The following KCNT1 variants were observed in gnomAD, a reference collection of about 807,000 sequenced individuals.
KCNT1 encodes potassium channel subfamily T member 1.
A neutral mutation model predicts 147.8 loss-of-function variants in KCNT1; 78 were observed. That is an observed-to-expected ratio of 0.53 (90% CI 0.44 to 0.64). The LOEUF (loss-of-function observed/expected upper bound fraction) is 0.64, where lower values mean the gene tolerates loss of function less well. KCNT1 is among the 30% of genes least tolerant of loss of function. The probability of loss-of-function intolerance (pLI) is 0.00; values close to 1 mark genes in which losing one functional copy is unlikely to be tolerated. For missense variants in KCNT1, 1,419 were observed against 1,750.3 expected, an observed-to-expected ratio of 0.81 and a Z score of 3.38; for synonymous variants, 867 against 748.8, an observed-to-expected ratio of 1.16 and a Z score of -2.58.
At chr9:135,742,742 A>G (rs1334966292) in intron 2 of KCNT1, 4 of 717,160 alleles carry the variant, frequency 5.6e-6, no homozygotes, top group Admixed American at 4.0e-5. Context: ...TGTCTCCCGC[A>G]TTCTGGTTGA....
chr9:135,778,100 GC>G (rs1005253778), intron 21 of KCNT1, among the ~76,000 whole-genome samples: 8 of 152,122 alleles, frequency 5.3e-5, no homozygotes, highest in African/African-American at 1.9e-4. Flanking sequence ...CTCACTCTGA[GC>G]CCCAGGATTG....
At chr9:135,718,019 C>T (rs576246389) in intron 2 of KCNT1, among the ~76,000 whole-genome samples, 64 of 152,318 alleles carry the variant, frequency 4.2e-4, no homozygotes, top group Non-Finnish European at 8.2e-4. Flanking sequence ...AGGACACGCA[C>T]GTGGGGACCC....
intron 2 of KCNT1, among the ~76,000 whole-genome samples, chr9:135,732,036 A>AGAGAGAGAGAGAGAGAGAGAGAGG (rs1471974281): frequency 1.5e-5 from 2 of 137,262 alleles, no homozygotes; most frequent in African/African-American, 2.7e-5. Flanking sequence ...AGAGAGAGAG[A>AGAGAGAGAGAGAGAGAGAGAGAGG]GAGAGGGAGT....
intron 4 of KCNT1, among the ~76,000 whole-genome samples, chr9:135,751,501 T>C (rs1413234092): frequency 6.6e-6 from 1 of 152,116 alleles, no homozygotes; most frequent in African/African-American, 2.4e-5. Context: ...CTGGGGCCCA[T>C]GCTCCAGGGA....
intron 2 of KCNT1, among the ~76,000 whole-genome samples, chr9:135,718,953 A>T (rs1259044207): frequency 6.6e-6 from 1 of 152,184 alleles, no homozygotes; most frequent in African/African-American, 2.4e-5. Flanking sequence ...CGGTGGAGGA[A>T]GTGGACAGAG....
intron 11 of KCNT1, among the ~76,000 whole-genome samples, chr9:135,763,756 CAG>C (rs1832068822): frequency 6.6e-6 from 1 of 152,188 alleles, no homozygotes; most frequent in Non-Finnish European, 1.5e-5. Context: ...TATTTCCAAT[CAG>C]ATCACATGGC....
intron 1 of KCNT1, among the ~76,000 whole-genome samples, chr9:135,712,006 GC>G (rs1835515452): frequency 6.6e-6 from 1 of 152,188 alleles, no homozygotes; most frequent in Admixed American, 6.5e-5. Flanking sequence ...GAAGTGACTC[GC>G]CGGGGGCCGC....
rs992509278 is a variant in KCNT1 at position 135,778,418 on chromosome 9, C to G, written c.2523-6C>G. On this transcript the variant is annotated splice_region_variant and splice_polypyrimidine_tract_variant and intron_variant, in intron 21 of 30. Transcript: ENST00000371757. ...GTGGGCCCCTCCAGGACCGCTGTCC[C>G]CACAGGCCCGACCACCACTTCCTGG... 1 of 1,550,744 alleles carries G rather than the reference C, an allele frequency of 6.4e-7. No homozygotes were observed. The highest frequency in any genetic ancestry group is 8.7e-7 in the Non-Finnish European group (1 of 1,146,972).
intron 9 of KCNT1, among the ~76,000 whole-genome samples, 198 bp downstream of exon 9, chr9:135,757,579 A>G (rs1465849981): frequency 6.6e-6 from 1 of 152,178 alleles, no homozygotes; most frequent in African/African-American, 2.4e-5. Flanking sequence ...CCCTCCTTCC[A>G]GGAAGAAACT....
chr9:135,715,579 C>CCGTCACCACCCAGCCCTGGGCTG (rs1835692082), intron 2 of KCNT1, among the ~76,000 whole-genome samples: 3 of 149,702 alleles, frequency 2.0e-5, no homozygotes, highest in African/African-American at 7.4e-5. Context: ...GCCCTGGGCT[C>CCGTCACCACCCAGCCCTGGGCTG]AGCTAGCAAA....
chr9:135,711,897 G>A (rs1229416828), intron 1 of KCNT1, among the ~76,000 whole-genome samples: 1 of 152,246 alleles, frequency 6.6e-6, no homozygotes, highest in Non-Finnish European at 1.5e-5. Flanking sequence ...TGTTCCGCGT[G>A]CCTCAGGCAT....
At chr9:135,791,766 G>T (rs572076994) in intron 29 of KCNT1, 31 bp from the exon 30 acceptor site, 2 of 1,597,884 alleles carry the variant, frequency 1.3e-6, no homozygotes, top group East Asian at 2.2e-5. Flanking sequence ...GGGCTGGGGG[G>T]GTGACGTCTG....
In KCNT1 at chr9:135,772,699, C is replaced by T. The variant is rs1292788895; in HGVS notation, c.2009-16C>T. On this transcript the variant is annotated splice_polypyrimidine_tract_variant and intron_variant, in intron 18 of 30. Transcript: ENST00000371757. ...GTGGGAGTCGGGCTGTGGCCAAGCACAGGGCTCTCTTCCAGGGACAGTGGC... is the reference window on the plus strand; with the variant it reads ...GTGGGAGTCGGGCTGTGGCCAAGCATAGGGCTCTCTTCCAGGGACAGTGGC... 5.9e-6 allele frequency: 8 copies of T among 1,365,448 alleles called. 1 individual carries two copies. The South Asian group carries it at 1.5e-4, about 25-fold the overall frequency. 84.6% of individuals were successfully genotyped at this position (1,365,448 alleles called of 1,614,324 possible).
chr9:135,791,783 T>C lies in KCNT1; in HGVS notation c.3503-14T>C. 1 of 1,612,262 alleles carries C rather than the reference T, an allele frequency of 6.2e-7. No individual in the cohort carries two copies. The highest frequency in any genetic ancestry group is 8.5e-7 in the Non-Finnish European group (1 of 1,178,628). ...GCTGGGGGGGTGACGTCTGCCCGGC[T>C]GTGTCCTTTGCAGACGAGATGAACG... On this transcript the variant is annotated splice_polypyrimidine_tract_variant and intron_variant, in intron 29 of 30. Transcript: ENST00000371757.
intron 13 of KCNT1, among the ~76,000 whole-genome samples, chr9:135,766,429 A>G (rs1471449399): frequency 1.3e-5 from 2 of 151,230 alleles, no homozygotes; most frequent in Non-Finnish European, 3.0e-5. Flanking sequence ...AGGGTGGACC[A>G]TCTGGGGTTG....
chr9:135,778,839 G>A lies in KCNT1; in HGVS notation c.2729+17G>A. ...CATGTTCCGGTGCGTCCAGTGTCCG[G>A]GGCTCGGCTCTAAACCACCCCACAG... On this transcript the variant is annotated intron_variant, in intron 23 of 30. Coordinates refer to ENST00000371757, the MANE Select transcript of KCNT1 (RefSeq NM_020822.3). The A allele has an allele frequency of 6.2e-7, 1 of 1,612,834 alleles. No individual in the cohort carries two copies. The highest frequency in any genetic ancestry group is 8.5e-7 in the Non-Finnish European group (1 of 1,179,538).
At chr9:135,758,556 CGA>C (rs751391506) in intron 10 of KCNT1, 48 bp downstream of exon 10, 23 of 1,497,238 alleles carry the variant, frequency 1.5e-5, no homozygotes, top group African/African-American at 2.8e-5. Context: ...TGGGAGGGCC[CGA>C]GAGGCAAGCA....
chr9:135,765,061 C>T lies in KCNT1; in HGVS notation c.1066C>T (p.Arg356Trp), dbSNP rs752514808. The T allele has an allele frequency of 6.2e-7, 1 of 1,612,896 alleles. No homozygotes were observed. Among genetic ancestry groups the T allele is most frequent in the Non-Finnish European group, 8.5e-7 (1 of 1,179,618 alleles). ...FEELVYLWMERQKSGGNYSRH... is the reference protein window; with the variant it reads ...FEELVYLWMEWQKSGGNYSRH... ...GGAGCTCGTCTACCTCTGGATGGAG[C>T]GGCAGAAGTCAGGGGGCAACTACAG... The change falls in exon 12 of 31, where the codon CGG becomes TGG. Residue 356 changes from arginine (R) to tryptophan (W), a missense_variant. Physicochemically the swap from Arg to Trp is moderately radical, Grantham distance 101. Coordinates refer to ENST00000371757, the MANE Select transcript of KCNT1 (RefSeq NM_020822.3).
intron 2 of KCNT1, among the ~76,000 whole-genome samples, chr9:135,732,012 A>AGG (rs1406177989): frequency 0.085 from 9,564 of 112,680 alleles, 1,159 homozygotes; most frequent in South Asian, 0.12. Context: ...AGAGAGAGAG[A>AGG]GAGAGAGAGA....
Sources: gnomAD v4.1 joint callset for allele counts (sites outside exome capture counted in the v4.1 genomes callset) on GRCh38, gnomAD v4.1.1 for gene constraint, MANE v1.5 for transcripts, NCBI Gene and HGNC (gene_info 2026-07-23, HGNC 2026-07-21) for gene names.